EI24: variants seen among roughly 807,000 people sequenced by gnomAD.
EI24 encodes the protein etoposide-induced protein 2.4 homolog.
Under a neutral mutation model 48.6 loss-of-function variants are expected in EI24, and 21 were observed. That is an observed-to-expected ratio of 0.43 (90% CI 0.31 to 0.62). The LOEUF is 0.62. Ranked by LOEUF, EI24 falls within the 20% of genes least tolerant of loss-of-function variation. EI24 has a pLI of 0.10. For synonymous variants in EI24, 114 were observed against 145.5 expected, an observed-to-expected ratio of 0.78 and a Z score of 1.56; for missense variants, 280 against 410.5, an observed-to-expected ratio of 0.68 and a Z score of 2.75.
At chr11:125,580,289 C>A in intron 8 of EI24, 85 bp downstream of exon 8, 1 of 1,017,494 alleles carries the variant, frequency 9.8e-7, no homozygotes, top group Admixed American at 1.8e-5. Context: ...TACTCATAGT[C>A]AGGCTTTTGG....
chr11:125,575,947 C>T (rs2135857652), intron 3 of EI24: 1 of 385,074 alleles, frequency 2.6e-6, no homozygotes, highest in East Asian at 6.5e-5. Flanking sequence ...CACCACCACG[C>T]CTGGCTAATT....
At chr11:125,573,256 T>G (rs1179689797) in intron 2 of EI24, among the ~76,000 whole-genome samples, 1 of 152,132 alleles carries the variant, frequency 6.6e-6, no homozygotes, top group East Asian at 1.9e-4. Context: ...GAGGATACTC[T>G]AGGAAAATGC....
intron 2 of EI24, among the ~76,000 whole-genome samples, chr11:125,572,943 C>T (rs899189981): frequency 1.3e-5 from 2 of 149,436 alleles, no homozygotes; most frequent in African/African-American, 4.9e-5. Flanking sequence ...TTAATGTTAA[C>T]ATATAACCGT....
intron 1 of EI24, 94 bp from the exon 2 acceptor site, chr11:125,572,364 C>G (rs1938563945): frequency 1.5e-6 from 1 of 657,034 alleles, no homozygotes; most frequent in African/African-American, 1.8e-5. Flanking sequence ...CTTACTAGAG[C>G]TACAAGTATG....
chr11:125,576,029 G>A (rs1938736271), intron 3 of EI24: 3 of 522,832 alleles, frequency 5.7e-6, no homozygotes, highest in Non-Finnish European at 1.0e-5. Context: ...GACCTCAGTT[G>A]ATCGCCTACC....
At chr11:125,575,506 T>C (rs1565328131) in intron 3 of EI24, 98 bp downstream of exon 3, 32 of 1,333,782 alleles carry the variant, frequency 2.4e-5, no homozygotes, top group Non-Finnish European at 3.2e-5. Flanking sequence ...TTGTGCTTTT[T>C]CCCAGAAAAA....
intron 6 of EI24, 136 bp from the exon 7 acceptor site, chr11:125,578,813 A>G (rs1938864903): frequency 1.9e-6 from 2 of 1,048,316 alleles, no homozygotes; most frequent in Admixed American, 2.7e-5. Flanking sequence ...CTATAGGCAC[A>G]TGCCATCGTG....
chr11:125,578,699 C>T (rs975970365), intron 6 of EI24, among the ~76,000 whole-genome samples: 2 of 152,026 alleles, frequency 1.3e-5, no homozygotes, highest in African/African-American at 4.8e-5. Context: ...AAACTCCTGA[C>T]CTGCTGATCT....
In EI24 at chr11:125,583,624, G is replaced by C; in HGVS notation, c.964G>C (p.Glu322Gln). 6.2e-7 allele frequency: 1 copy of C among 1,613,428 alleles called. No individual in the cohort carries two copies. Among genetic ancestry groups the C allele is most frequent in the Non-Finnish European group, 8.5e-7 (1 of 1,179,738 alleles). ...GGCCCTGAGCAGCTCTACTTCTGCA[G>C]AGAAGTTCCCTTCACCGCATCCGTC... ...QSALSSSTSAEKFPSPHPSPA... is the reference protein window; with the variant it reads ...QSALSSSTSAQKFPSPHPSPA... Residue 322 changes from glutamate (E) to glutamine (Q), a missense_variant, in exon 11 of 11, where the codon GAG (glutamate) becomes CAG (glutamine). This residue lies in a region of EI24 where 62 missense variants were observed against 65.1 expected (regional missense o/e 0.95). Coordinates refer to ENST00000278903, the MANE Select transcript of EI24 (RefSeq NM_004879.5).
Position 125,583,994 on chromosome 11 carries a change from C to T in EI24, c.*311C>T, listed in dbSNP as rs1198199349. 3.2e-6 allele frequency: 1 copy of T among 315,698 alleles called. No individual in the cohort carries two copies. The highest frequency in any genetic ancestry group is 6.0e-6 in the Non-Finnish European group (1 of 167,540). The allele number at this position is 315,698 out of a possible 1,614,324, so 19.6% of individuals were successfully genotyped here. On this transcript the variant is annotated 3_prime_UTR_variant, in exon 11 of 11. Transcript: ENST00000278903. ...GGAACACTTTGTTTTTCTCCCTGTG[C>T]CATTTACCCTTCCACCTTTCCATCC...
intron 10 of EI24, 30 bp downstream of exon 10, chr11:125,582,450 C>A: frequency 6.5e-7 from 1 of 1,546,552 alleles, no homozygotes. Flanking sequence ...GAAATTTTTG[C>A]TGTGTAAAGG....
chr11:125,579,272 T>G (rs1421700161), intron 7 of EI24, among the ~76,000 whole-genome samples: 2 of 152,146 alleles, frequency 1.3e-5, no homozygotes. Flanking sequence ...AACATGAATT[T>G]ACCTGCTTTT....
chr11:125,578,394 A>G (rs1030061518), intron 6 of EI24, 137 bp downstream of exon 6: 10 of 1,009,722 alleles, frequency 9.9e-6, no homozygotes, highest in Non-Finnish European at 1.3e-5. Context: ...GGTAGCCAGT[A>G]GCTGATCTTT....
At chr11:125,573,809 G>A (rs1938628099) in intron 2 of EI24, among the ~76,000 whole-genome samples, 1 of 147,958 alleles carries the variant, frequency 6.8e-6, no homozygotes, top group Non-Finnish European at 1.5e-5. Context: ...AACCTCCCAG[G>A]TAGCTGGGAT....
At chr11:125,582,489 T>A in intron 10 of EI24, 69 bp downstream of exon 10, 1 of 1,198,986 alleles carries the variant, frequency 8.3e-7, no homozygotes, top group African/African-American at 1.6e-5. Flanking sequence ...GTTATGTCAG[T>A]GAGGCTTTTT....
At chr11:125,572,434 C>T (rs1362270202) in intron 1 of EI24, 24 bp from the exon 2 acceptor site, 1 of 1,147,202 alleles carries the variant, frequency 8.7e-7, no homozygotes, top group East Asian at 2.4e-5. Flanking sequence ...ATATTTGCCT[C>T]CATTATGTTC....
chr11:125,577,184 C>T lies in EI24; in HGVS notation c.250-320C>T, dbSNP rs186490104. ...TTGGCTCACTGCAACCTCTGCCTCC[C>T]GGGTTCAAGCGATTCTCCTGCCTCA... On this transcript the variant is annotated intron_variant, in intron 4 of 10. Transcript: ENST00000278903. Among the ~76,000 whole-genome samples the T allele has an allele frequency of 1.0e-3, 156 of 152,242 alleles. 1 individual carries two copies. The highest frequency in any genetic ancestry group is 3.0e-3 in the Admixed American group (46 of 15,296).
At chr11:125,579,154 T>A in intron 7 of EI24, 86 bp downstream of exon 7, 1 of 1,338,750 alleles carries the variant, frequency 7.5e-7, no homozygotes, top group Non-Finnish European at 1.0e-6. Flanking sequence ...GACAGAGTAT[T>A]ATATTTATAC....
chr11:125,576,003 C>T (rs144388380), intron 3 of EI24: 4 of 470,180 alleles, frequency 8.5e-6, no homozygotes, highest in Non-Finnish European at 1.6e-5. Context: ...GTTGGCCAGG[C>T]TGGTCTCGAA....
Sources: allele counts gnomAD v4.1 joint callset (sites outside exome capture counted in the v4.1 genomes callset), GRCh38; gene constraint gnomAD v4.1.1; regional missense constraint gnomAD v4.1.1; transcripts MANE v1.5; gene names NCBI Gene and HGNC (gene_info 2026-07-23, HGNC 2026-07-21).